The following PSORS1C2 variants were observed in gnomAD, a reference collection of about 807,000 sequenced individuals.
The protein encoded by PSORS1C2 is psoriasis susceptibility 1 candidate 2.
In PSORS1C2, 13 loss-of-function variants were observed where a neutral mutation model predicts 12.2. That is an observed-to-expected ratio of 1.07 (90% CI 0.70 to 1.70). The LOEUF is 1.70. Among genes scored for constraint, PSORS1C2 ranks in the 40% most tolerant of loss-of-function variants. The pLI, the probability that PSORS1C2 is intolerant of heterozygous loss-of-function variation, is 0.00. For missense variants in PSORS1C2, 186 were observed against 173.4 expected (o/e 1.07, Z -0.41); for synonymous variants, 76 against 69.2 (o/e 1.10, Z -0.49).
At chr6:31,138,845 T>G in intron 1 of PSORS1C2, 127 bp downstream of exon 1, 1 of 1,607,266 alleles carries the variant, frequency 6.2e-7, no homozygotes, top group Non-Finnish European at 8.5e-7. Context: ...CCATTTCTGG[T>G]GAGCCAGATG....
chr6:31,138,404 C>G, intron 1 of PSORS1C2, 98 bp from the exon 2 acceptor site: 1 of 1,610,606 alleles, frequency 6.2e-7, no homozygotes, highest in Admixed American at 1.7e-5. Flanking sequence ...TCTGGATGGA[C>G]GCAGCCTGAA....
In PSORS1C2 at chr6:31,137,735, G is replaced by C; in HGVS notation, c.*216C>G. On this transcript the variant is annotated 3_prime_UTR_variant, in exon 2 of 2. Transcript: ENST00000259845. ...GTAGGAGAGTAGGCTTAGGCTGTCA[G>C]AGGAAAAAACGGGCGATGTGAGGAC... The C allele has an allele frequency of 2.5e-6, 1 of 402,248 alleles. No individual in the cohort carries two copies. The highest frequency in any genetic ancestry group is 3.6e-5 in the East Asian group (1 of 27,986). The allele number at this position is 402,248 out of a possible 1,614,324, so 24.9% of individuals were successfully genotyped here. A position where few individuals can be genotyped will look rare whatever the true frequency, so the allele number is the denominator to read the frequency against.
At chr6:31,138,747 A>G (rs1428339023) in intron 1 of PSORS1C2, 2 of 1,614,018 alleles carry the variant, frequency 1.2e-6, no homozygotes, top group Non-Finnish European at 1.7e-6. Context: ...ATCCTGACCG[A>G]CTTTGCCACA....
rs1294388550 is a variant in PSORS1C2, at chr6:31,138,300, G to A, written c.62C>T (p.Ser21Leu). ...GTGAGAGGGGTGGCCCTCGCTGCCTGAGATGCCTGTAAAGGAGGAAGGAGA... is the reference window on the plus strand; with the variant it reads ...GTGAGAGGGGTGGCCCTCGCTGCCTAAGATGCCTGTAAAGGAGGAAGGAGA... ...LVLCLHTRGI[S>L]GSEGHPSHPP... The change falls in exon 2 of 2, where the codon TCA becomes TTA. Residue 21 changes from serine (S) to leucine (L), a missense_variant. Transcript: ENST00000259845. 1.3e-6 allele frequency: 2 copies of A among 1,596,376 alleles called. No individual in the cohort carries two copies. Among genetic ancestry groups the A allele is most frequent in the Non-Finnish European group, 1.7e-6 (2 of 1,170,716 alleles).
intron 1 of PSORS1C2, chr6:31,138,561 C>T: frequency 6.2e-7 from 1 of 1,608,186 alleles, no homozygotes; most frequent in Non-Finnish European, 8.5e-7. Context: ...CCAGACTTCT[C>T]CAAATAAGCT....
chr6:31,138,757 A>C (rs761471567), intron 1 of PSORS1C2: 1 of 1,614,068 alleles, frequency 6.2e-7, no homozygotes. Context: ...ACTTTGCCAC[A>C]TGGAGCCAGC....
Position 31,137,875 on chromosome 6 carries a change from T to A in PSORS1C2, c.*76A>T. The A allele has an allele frequency of 1.5e-6, 1 of 648,290 alleles. No individual in the cohort carries two copies. The allele number at this position is 648,290 out of a possible 1,614,324, so 40.2% of individuals were successfully genotyped here. A position where few individuals can be genotyped will look rare whatever the true frequency, so the allele number is the denominator to read the frequency against. ...AGGAGACAGGCTAAATTGGGAAGAATTCACGGGGAATCAGAGGGTGGAGAG... is the reference window on the plus strand; with the variant it reads ...AGGAGACAGGCTAAATTGGGAAGAAATCACGGGGAATCAGAGGGTGGAGAG... On this transcript the variant is annotated 3_prime_UTR_variant, in exon 2 of 2. Coordinates refer to ENST00000259845, the MANE Select transcript of PSORS1C2 (RefSeq NM_014069.3).
chr6:31,138,701 A>T, intron 1 of PSORS1C2: 5 of 1,610,888 alleles, frequency 3.1e-6, no homozygotes, highest in Non-Finnish European at 4.2e-6. Flanking sequence ...CTTAACACAG[A>T]TCCCAGCTCC....
intron 1 of PSORS1C2, 191 bp from the exon 2 acceptor site, chr6:31,138,497 T>G: frequency 6.2e-7 from 1 of 1,610,564 alleles, no homozygotes; most frequent in Non-Finnish European, 8.5e-7. Flanking sequence ...TAAAATGTCA[T>G]GAACCCCTAC....
intron 1 of PSORS1C2, chr6:31,138,682 C>T (rs1265097): frequency 6.2e-7 from 1 of 1,613,162 alleles, no homozygotes; most frequent in Non-Finnish European, 8.5e-7. Flanking sequence ...TTTACAAGGA[C>T]CCCAGCTCCT....
chr6:31,138,684 C>G, intron 1 of PSORS1C2: 1 of 1,613,324 alleles, frequency 6.2e-7, no homozygotes, highest in Non-Finnish European at 8.5e-7. Flanking sequence ...TACAAGGACC[C>G]CAGCTCCTTA....
Position 31,139,006 on chromosome 6 carries a change from G to A in PSORS1C2, c.21C>T (p.Leu7=), listed in dbSNP as rs1218609631. The change falls in exon 1 of 2, where the codon CTC becomes CTT. Residue 7 remains leucine (L), a synonymous_variant. Coordinates refer to ENST00000259845, the MANE Select transcript of PSORS1C2 (RefSeq NM_014069.3). This position sits in a 1 kb window ranked among gnomAD's most constrained non-coding sequence, Gnocchi z 5.2. MILNWK[L]LGILVLCLHT... ...GCAGGCAAAGGACCAGGATCCCCAG[G>A]AGCTTCCAGTTGAGGATCATGGCTA... 2 of 1,613,956 alleles carry A rather than the reference G, an allele frequency of 1.2e-6. No individual in the cohort carries two copies. The highest frequency in any genetic ancestry group is 1.7e-6 in the Non-Finnish European group (2 of 1,180,000).
chr6:31,138,890 C>T, intron 1 of PSORS1C2, 82 bp downstream of exon 1: 1 of 1,599,116 alleles, frequency 6.3e-7, no homozygotes, highest in South Asian at 1.1e-5. Flanking sequence ...TGTCCCCAAC[C>T]CCATGCGTCC....
At position 31,138,274 on chromosome 6, in the gene PSORS1C2, G is replaced by C. The variant is rs142147706; in HGVS notation, c.88C>G (p.Pro30Ala). 8.0e-4 allele frequency: 1,271 copies of C among 1,582,278 alleles called. 1 individual carries two copies. Among genetic ancestry groups the C allele is most frequent in the Non-Finnish European group, 1.0e-3 (1,196 of 1,164,192 alleles). Residue 30 changes from proline to alanine, a missense_variant, in exon 2 of 2, where the codon CCA becomes GCA. Pro to Ala is a conservative substitution (Grantham distance 27, BLOSUM62 -1). Transcript: ENST00000259845. ...GCCTCCTCTCGGTCCTCTGCGGGTG[G>C]GTGAGAGGGGTGGCCCTCGCTGCCT... is the stretch of plus-strand genomic sequence containing the variant. ...ISGSEGHPSH[P>A]PAEDREEAGS...
chr6:31,138,912 G>A lies in PSORS1C2; in HGVS notation c.55+60C>T, dbSNP rs149323436. The A allele has an allele frequency of 4.3e-3, 6,900 of 1,598,934 alleles. 29 individuals are homozygous for A. Among genetic ancestry groups the A allele is most frequent in the Non-Finnish European group, 5.5e-3 (6,395 of 1,166,848 alleles). On this transcript the variant is annotated intron_variant, in intron 1 of 1. Transcript: ENST00000259845. ...AACCCCATGCGTCCAGTTCACCTCCGCCATCTTGAGTATCCCTCATCACCC... is the reference window on the plus strand; with the variant it reads ...AACCCCATGCGTCCAGTTCACCTCCACCATCTTGAGTATCCCTCATCACCC...
At chr6:31,138,375 C>T in intron 1 of PSORS1C2, 69 bp from the exon 2 acceptor site, 12 of 1,601,048 alleles carry the variant, frequency 7.5e-6, no homozygotes, top group Non-Finnish European at 1.0e-5. Context: ...CCAGCCCCAG[C>T]CCCAGGAGGA....
At chr6:31,138,583 TG>T (rs1773281817) in intron 1 of PSORS1C2, 1 of 1,609,164 alleles carries the variant, frequency 6.2e-7, no homozygotes. Flanking sequence ...CATCCACCCC[TG>T]GTTGGGGTAC....
intron 1 of PSORS1C2, 151 bp downstream of exon 1, chr6:31,138,821 A>G (rs747280509): frequency 3.1e-6 from 5 of 1,612,814 alleles, no homozygotes; most frequent in East Asian, 2.2e-5. Flanking sequence ...CCCCCACCCA[A>G]TGTGTCCAGA....
chr6:31,138,284 G>T lies in PSORS1C2; in HGVS notation c.78C>A (p.His26Gln). 1 of 1,586,380 alleles carries T rather than the reference G, an allele frequency of 6.3e-7. No individual in the cohort carries two copies. Among genetic ancestry groups the T allele is most frequent in the South Asian group, 1.1e-5 (1 of 87,090 alleles). ...GGTCCTCTGCGGGTGGGTGAGAGGG[G>T]TGGCCCTCGCTGCCTGAGATGCCTG... ...HTRGISGSEG[H>Q]PSHPPAEDRE... Residue 26 changes from histidine (H) to glutamine (Q), a missense_variant, in exon 2 of 2, where the codon CAC (histidine) becomes CAA (glutamine). Physicochemically the swap from His to Gln is conservative, Grantham distance 24. Transcript: ENST00000259845.
Sources: gnomAD v4.1 joint callset for allele counts on GRCh38, gnomAD v4.1.1 for gene constraint, Gnocchi (gnomAD v3.1) non-coding constraint, MANE v1.5 for transcripts, NCBI Gene and HGNC (gene_info 2026-07-23, HGNC 2026-07-21) for gene names.